The following ZFYVE28 variants were observed in gnomAD, a reference collection of about 807,000 sequenced individuals.
The protein encoded by ZFYVE28 is lateral signaling target protein 2 homolog.
In ZFYVE28, 40 loss-of-function variants were observed where a neutral mutation model predicts 82.1. The ratio of observed to expected loss-of-function variants is 0.49; its 90% confidence interval spans 0.38 to 0.63. The LOEUF (loss-of-function observed/expected upper bound fraction) is 0.63, where lower values mean the gene tolerates loss of function less well. ZFYVE28 is among the 30% of genes least tolerant of loss of function. ZFYVE28 has a pLI of 0.00. For missense variants in ZFYVE28, 1,321 were observed against 1,242.1 expected (o/e 1.06, Z -0.96); for synonymous variants, 612 against 546.1 (o/e 1.12, Z -1.68).
chr4:2,387,394 T>G lies in ZFYVE28; in HGVS notation c.39+30891A>C, dbSNP rs1578344767. On this transcript the variant is annotated intron_variant, in intron 1 of 12. Coordinates refer to ENST00000290974, the MANE Select transcript of ZFYVE28 (RefSeq NM_020972.3). ...AACCCATCACTTGGCCTGCTTGCCC[T>G]CCTGCCGGCCGGAAGCAGGAGACCC... 3.3e-5 allele frequency among the ~76,000 whole-genome samples: 5 copies of G among 152,316 alleles called. No individual in the cohort carries two copies. The South Asian group carries it at 1.0e-3, about 32-fold the overall frequency.
chr4:2,312,650 C>T (rs943907776), intron 7 of ZFYVE28, among the ~76,000 whole-genome samples: 6 of 147,844 alleles, frequency 4.1e-5, no homozygotes, highest in African/African-American at 1.5e-4. Context: ...ATGGCATGAA[C>T]CCAGGAGGCG....
At chr4:2,407,653 C>G (rs1033212058) in intron 1 of ZFYVE28, among the ~76,000 whole-genome samples, 1 of 152,138 alleles carries the variant, frequency 6.6e-6, no homozygotes, top group Non-Finnish European at 1.5e-5. Context: ...TGTAGTGGCA[C>G]GATCTCGGCT....
At chr4:2,302,766 C>T (rs775694676) in intron 8 of ZFYVE28, among the ~76,000 whole-genome samples, 96 of 152,354 alleles carry the variant, frequency 6.3e-4, no homozygotes, top group Non-Finnish European at 8.1e-4. Context: ...ATGCAGTGAG[C>T]GTGATTCAGT....
intron 9 of ZFYVE28, 76 bp downstream of exon 9, chr4:2,273,986 G>A (rs572874257): frequency 5.9e-6 from 9 of 1,534,850 alleles, no homozygotes; most frequent in African/African-American, 2.7e-5. Flanking sequence ...GGTTGTACAC[G>A]CCCCGCCTGA....
At chr4:2,388,738 C>A (rs1293490836) in intron 1 of ZFYVE28, among the ~76,000 whole-genome samples, 1 of 152,136 alleles carries the variant, frequency 6.6e-6, no homozygotes, top group Admixed American at 6.5e-5. Context: ...CTGGGTCTAA[C>A]AGGATCCCTC....
At chr4:2,323,020 T>C (rs1276907644) in intron 6 of ZFYVE28, among the ~76,000 whole-genome samples, 1 of 152,186 alleles carries the variant, frequency 6.6e-6, no homozygotes, top group East Asian at 1.9e-4. Flanking sequence ...GTGTAGAAGT[T>C]TGTTCACGGA....
At chr4:2,380,641 G>A (rs567390274) in intron 1 of ZFYVE28, among the ~76,000 whole-genome samples, 1 of 152,318 alleles carries the variant, frequency 6.6e-6, no homozygotes, top group Admixed American at 6.5e-5. Context: ...ATTCCCACGT[G>A]TTGTGGGAGG....
At chr4:2,323,488 T>G (rs2108840211) in intron 6 of ZFYVE28, among the ~76,000 whole-genome samples, 1 of 152,276 alleles carries the variant, frequency 6.6e-6, no homozygotes, top group East Asian at 1.9e-4. Flanking sequence ...TTCTTTAGGT[T>G]GTCTTTTCAT....
chr4:2,278,860 CTG>C (rs1711531601), intron 8 of ZFYVE28, among the ~76,000 whole-genome samples: 1 of 151,316 alleles, frequency 6.6e-6, no homozygotes, highest in Non-Finnish European at 1.5e-5. Context: ...CCCAACATCA[CTG>C]TCAGTCAGGA....
rs553453590 is a variant in ZFYVE28 at position 2,294,535 on chromosome 4, A to T, written c.2051+9754T>A. Among the ~76,000 whole-genome samples the T allele has an allele frequency of 4.5e-4, 68 of 152,358 alleles. 2 individuals carry two copies. In the South Asian group the frequency reaches 0.014, roughly 32 times the overall value. ...AAAAAAATTTTTGTGACTGTGGGCT[A>T]TGAAAATAATTCTTAGATATGGCAC... On this transcript the variant is annotated intron_variant, in intron 8 of 12. Transcript: ENST00000290974.
chr4:2,283,373 A>ATCCC (rs1712228861), intron 8 of ZFYVE28, among the ~76,000 whole-genome samples: 1 of 129,678 alleles, frequency 7.7e-6, no homozygotes, highest in African/African-American at 3.1e-5. Context: ...CCATCCATCC[A>ATCCC]ATCATCCATC....
intron 7 of ZFYVE28, among the ~76,000 whole-genome samples, chr4:2,308,704 A>AAGAAAAG (rs1560182733): frequency 1.6e-5 from 2 of 124,624 alleles, no homozygotes; most frequent in African/African-American, 7.7e-5. Context: ...AAAGAAAAGA[A>AAGAAAAG]AAAAGAAAAG....
chr4:2,399,092 T>TCCAGGGCACAAGCGTGGAGGTGAGAA (rs1176196287), intron 1 of ZFYVE28, among the ~76,000 whole-genome samples: 1 of 22,476 alleles, frequency 4.4e-5, no homozygotes, highest in Non-Finnish European at 7.5e-5. Context: ...GAAGGTGAGA[T>TCCAGGGCACAAGCGTGGAGGTGAGAA]CCAGGGCACA....
rs1239369137 is a variant in ZFYVE28, at chr4:2,362,012, C to T, written c.40-7939G>A. Among the ~76,000 whole-genome samples, 1 of 152,102 alleles carries T rather than the reference C, an allele frequency of 6.6e-6. No homozygotes were observed. The highest frequency in any genetic ancestry group is 2.1e-4 in the South Asian group (1 of 4,828). On this transcript the variant is annotated intron_variant, in intron 1 of 12. Transcript: ENST00000290974. This position sits in a 1 kb window ranked among gnomAD's most constrained non-coding sequence, Gnocchi z 5.1. ...GGACGGAAGCCCAGTCCAGCTCCTACTGCCTCCCTCCCCACACAGCTGAAC... is the reference window on the plus strand; with the variant it reads ...GGACGGAAGCCCAGTCCAGCTCCTATTGCCTCCCTCCCCACACAGCTGAAC...
intron 8 of ZFYVE28, among the ~76,000 whole-genome samples, chr4:2,303,376 GC>G (rs1715914376): frequency 1.3e-5 from 2 of 152,078 alleles, no homozygotes; most frequent in Admixed American, 6.5e-5. Context: ...CTGCATCTGT[GC>G]CCCCCACCTT....
At chr4:2,324,169 G>T (rs548370421) in intron 6 of ZFYVE28, among the ~76,000 whole-genome samples, 1 of 152,148 alleles carries the variant, frequency 6.6e-6, no homozygotes, top group Non-Finnish European at 1.5e-5. Context: ...TGGGAACCCG[G>T]AGAAGAGTTG....
intron 6 of ZFYVE28, chr4:2,329,002 G>A (rs1344215985): frequency 3.1e-6 from 2 of 642,326 alleles, no homozygotes; most frequent in Non-Finnish European, 5.7e-6. Context: ...CTTTATGCCA[G>A]TACCATAAGG....
chr4:2,346,234 TG>T (rs1188327457), intron 2 of ZFYVE28, among the ~76,000 whole-genome samples: 2 of 136,546 alleles, frequency 1.5e-5, no homozygotes, highest in Non-Finnish European at 3.1e-5. Context: ...CCCAGCTACG[TG>T]GGGGGCTGAG....
chr4:2,398,951 A>T (rs566553159), intron 1 of ZFYVE28, among the ~76,000 whole-genome samples: 1 of 133,384 alleles, frequency 7.5e-6, no homozygotes, highest in Admixed American at 7.6e-5. Flanking sequence ...TCGAGGGCAC[A>T]AGGGGGGTGT....
Sources: gnomAD v4.1 joint callset for allele counts (sites outside exome capture counted in the v4.1 genomes callset) on GRCh38, gnomAD v4.1.1 for gene constraint, Gnocchi (gnomAD v3.1) non-coding constraint, MANE v1.5 for transcripts, NCBI Gene and HGNC (gene_info 2026-07-23, HGNC 2026-07-21) for gene names.